RIMS1: variants seen among roughly 807,000 people sequenced by gnomAD.
RIMS1 encodes the protein regulating synaptic membrane exocytosis protein 1.
A neutral mutation model predicts 214.1 loss-of-function variants in RIMS1; 83 were observed. The observed-to-expected ratio is 0.39, with a 90% CI of 0.32 to 0.47. The LOEUF (loss-of-function observed/expected upper bound fraction) is 0.47, where lower values mean the gene tolerates loss of function less well. Ranked by LOEUF, RIMS1 falls within the 20% of genes least tolerant of loss-of-function variation. RIMS1 has a pLI of 0.99. For missense variants in RIMS1, 2,050 were observed against 2,161.8 expected, an observed-to-expected ratio of 0.95 and a Z score of 1.03; for synonymous variants, 793 against 786.8, an observed-to-expected ratio of 1.01 and a Z score of -0.13.
chr6:72,077,193 TG>T (rs1674419935), intron 2 of RIMS1, among the ~76,000 whole-genome samples: 1 of 152,222 alleles, frequency 6.6e-6, no homozygotes. Flanking sequence ...CTGACAATCC[TG>T]TCTATGTAGC....
At chr6:72,326,533 T>C (rs1182130016) in intron 28 of RIMS1, among the ~76,000 whole-genome samples, 1 of 151,840 alleles carries the variant, frequency 6.6e-6, no homozygotes, top group Non-Finnish European at 1.5e-5. Flanking sequence ...GTTTGTCTGT[T>C]ACCATAATTT....
rs2048571449 is a variant in RIMS1 at position 72,183,033 on chromosome 6, G to A, written c.1562G>A (p.Arg521Lys). ...PSPPKPHRSK[R>K]GGKKRQMSVS... ...CCGCCCAAGCCGCACCGGTCCAAGA[G>A]AGGCGGCAAGAAGCGGCAGATGTCG... The change falls in exon 6 of 34, where the codon AGA becomes AAA. Residue 521 changes from arginine (R) to lysine (K), a missense_variant. Arg to Lys is a conservative substitution (Grantham distance 26). This residue lies in a region of RIMS1 where 882 missense variants were observed against 828.9 expected (regional missense o/e 1.06). Transcript: ENST00000521978. 6.2e-7 allele frequency: 1 copy of A among 1,600,844 alleles called. No individual in the cohort carries two copies. The highest frequency in any genetic ancestry group is 8.5e-7 in the Non-Finnish European group (1 of 1,174,508).
rs371256751 is a variant in RIMS1, at chr6:72,258,961, C to T, written c.2928-25C>T. 7.5e-5 allele frequency: 120 copies of T among 1,610,162 alleles called. No individual in the cohort carries two copies. The African/African-American group carries it at 7.6e-4, about 10-fold the overall frequency. On this transcript the variant is annotated intron_variant, in intron 17 of 33. Transcript: ENST00000521978. Reference sequence around the variant, plus strand: ...TTTGGGAAGATGATACAATTTGACACATAAGAATTTTGTAATCATTTTAGG... The same window carrying T: ...TTTGGGAAGATGATACAATTTGACATATAAGAATTTTGTAATCATTTTAGG...
intron 1 of RIMS1, among the ~76,000 whole-genome samples, chr6:71,951,531 C>T (rs1316642161): frequency 6.8e-6 from 1 of 146,140 alleles, no homozygotes; most frequent in Non-Finnish European, 1.5e-5. Context: ...CACTCTGTCA[C>T]CCAGGCAGGA....
chr6:72,230,876 C>T (rs2061720284), intron 6 of RIMS1, among the ~76,000 whole-genome samples: 1 of 151,410 alleles, frequency 6.6e-6, no homozygotes, highest in African/African-American at 2.4e-5. Flanking sequence ...GAACTTGAGA[C>T]ATTTCCATAG....
chr6:71,888,916 A>C (rs1768707281), intron 1 of RIMS1, among the ~76,000 whole-genome samples: 1 of 152,162 alleles, frequency 6.6e-6, no homozygotes, highest in Non-Finnish European at 1.5e-5. Flanking sequence ...CTGGTGCTGC[A>C]GGCTTCCCCT....
At chr6:72,059,093 A>T (rs775060114) in intron 2 of RIMS1, among the ~76,000 whole-genome samples, 3 of 152,226 alleles carry the variant, frequency 2.0e-5, no homozygotes, top group Non-Finnish European at 4.4e-5. Context: ...CTTTAAATTC[A>T]TGATTATCAC....
At chr6:72,113,534 T>C (rs1031576664) in intron 4 of RIMS1, among the ~76,000 whole-genome samples, 3 of 152,176 alleles carry the variant, frequency 2.0e-5, no homozygotes, top group African/African-American at 7.2e-5. Flanking sequence ...GCCAATTGAA[T>C]AACTTTTAGC....
intron 24 of RIMS1, among the ~76,000 whole-genome samples, chr6:72,288,893 C>T (rs1380347997): frequency 6.6e-6 from 1 of 151,464 alleles, no homozygotes; most frequent in Non-Finnish European, 1.5e-5. Flanking sequence ...AGAAAAAAAA[C>T]ATATATTGTG....
chr6:72,205,140 T>C (rs1057266459), intron 6 of RIMS1, among the ~76,000 whole-genome samples: 1 of 152,146 alleles, frequency 6.6e-6, no homozygotes, highest in East Asian at 1.9e-4. Flanking sequence ...ATTTTTGAAC[T>C]ACAAAGAGGT....
At chr6:71,994,345 A>G (rs1259769096) in intron 2 of RIMS1, among the ~76,000 whole-genome samples, 1 of 152,200 alleles carries the variant, frequency 6.6e-6, no homozygotes, top group African/African-American at 2.4e-5. Context: ...TTACCTTACC[A>G]TATGTTGATA....
chr6:72,317,985 T>C (rs2095905517), intron 28 of RIMS1, among the ~76,000 whole-genome samples: 1 of 152,212 alleles, frequency 6.6e-6, no homozygotes, highest in African/African-American at 2.4e-5. Flanking sequence ...AATCTCTTTA[T>C]TCCTTATAAT....
chr6:72,209,259 C>T lies in RIMS1; in HGVS notation c.1679-24514C>T, dbSNP rs1447339261. On this transcript the variant is annotated intron_variant, in intron 6 of 33. Coordinates refer to ENST00000521978, the MANE Select transcript of RIMS1 (RefSeq NM_014989.7). Reference sequence around the variant, plus strand: ...TCTTTTTTAACCTTTTAAATTTTTCCAGTTAGGCATTTTATAACCGGAGTT... The same window carrying T: ...TCTTTTTTAACCTTTTAAATTTTTCTAGTTAGGCATTTTATAACCGGAGTT... Among the ~76,000 whole-genome samples, 3 of 152,182 alleles carry T rather than the reference C, an allele frequency of 2.0e-5. No homozygotes were observed. The East Asian group carries it at 5.8e-4, about 29-fold the overall frequency.
At chr6:72,115,732 G>A (rs764603123) in intron 4 of RIMS1, among the ~76,000 whole-genome samples, 3 of 151,798 alleles carry the variant, frequency 2.0e-5, no homozygotes, top group Non-Finnish European at 4.4e-5. Context: ...ATTATTTAAT[G>A]TATGGTATAT....
At chr6:71,980,346 G>T (rs968835143) in intron 2 of RIMS1, among the ~76,000 whole-genome samples, 2 of 152,030 alleles carry the variant, frequency 1.3e-5, no homozygotes, top group Non-Finnish European at 2.9e-5. Flanking sequence ...AAATGATAAT[G>T]GTGAATAAAT....
intron 2 of RIMS1, among the ~76,000 whole-genome samples, chr6:72,019,706 C>G (rs1813973282): frequency 6.6e-6 from 1 of 151,960 alleles, no homozygotes; most frequent in Admixed American, 6.6e-5. Context: ...TTTCCCTTTC[C>G]TGTTCTTCTT....
At chr6:72,092,589 C>G (rs966656879) in intron 2 of RIMS1, among the ~76,000 whole-genome samples, 2 of 152,092 alleles carry the variant, frequency 1.3e-5, no homozygotes, top group Non-Finnish European at 2.9e-5. Context: ...AAAGGAATTT[C>G]TAAAGCACAT....
chr6:72,080,425 T>C (rs1206308189), intron 2 of RIMS1, among the ~76,000 whole-genome samples: 3 of 152,162 alleles, frequency 2.0e-5, no homozygotes, highest in Admixed American at 6.6e-5. Context: ...CCATTGTCTG[T>C]AAGCTGGATT....
At chr6:72,396,594 T>C (rs1200208746) in intron 31 of RIMS1, among the ~76,000 whole-genome samples, 1 of 152,178 alleles carries the variant, frequency 6.6e-6, no homozygotes, top group African/African-American at 2.4e-5. Context: ...AAATATGACA[T>C]TCATGTAATG....
Sources: allele counts gnomAD v4.1 joint callset (sites outside exome capture counted in the v4.1 genomes callset), GRCh38; gene constraint gnomAD v4.1.1; regional missense constraint gnomAD v4.1.1; transcripts MANE v1.5; gene names NCBI Gene and HGNC (gene_info 2026-07-23, HGNC 2026-07-21).